The following NTRK3 variants were observed in gnomAD, a reference collection of about 807,000 sequenced individuals.
NTRK3 encodes NT-3 growth factor receptor.
Under a neutral mutation model 91.7 loss-of-function variants are expected in NTRK3, and 24 were observed. The observed-to-expected ratio is 0.26, with a 90% CI of 0.19 to 0.37. The LOEUF is 0.37. Ranked by LOEUF, NTRK3 falls within the 10% of genes least tolerant of loss-of-function variation. NTRK3 has a pLI of 1.00. For synonymous variants in NTRK3, 483 were observed against 404.0 expected (o/e 1.20, Z -2.34); for missense variants, 880 against 1,068.9 (o/e 0.82, Z 2.46).
intron 17 of NTRK3, among the ~76,000 whole-genome samples, chr15:87,909,823 T>TGG (rs1160507733): frequency 2.0e-5 from 3 of 152,230 alleles, no homozygotes; most frequent in Admixed American, 1.3e-4. Flanking sequence ...GATGACCATG[T>TGG]GGGGACACAG....
At chr15:88,057,005 C>T (rs2045760184) in intron 13 of NTRK3, among the ~76,000 whole-genome samples, 1 of 151,372 alleles carries the variant, frequency 6.6e-6, no homozygotes, top group Non-Finnish European at 1.5e-5. Context: ...CCCGTCTCTA[C>T]TAAAAATACA....
intron 13 of NTRK3, among the ~76,000 whole-genome samples, chr15:88,101,952 A>T (rs556164352): frequency 6.6e-6 from 1 of 152,296 alleles, no homozygotes; most frequent in East Asian, 1.9e-4. Flanking sequence ...ACCAAATGGC[A>T]CATGTATACA....
At chr15:88,007,200 A>G (rs933947371) in intron 14 of NTRK3, among the ~76,000 whole-genome samples, 1 of 152,340 alleles carries the variant, frequency 6.6e-6, no homozygotes, top group Admixed American at 6.5e-5. Flanking sequence ...ACTATCCTAT[A>G]TGGGCATTCT....
intron 14 of NTRK3, among the ~76,000 whole-genome samples, chr15:87,969,409 T>C (rs148317810): frequency 1.9e-4 from 29 of 152,310 alleles, no homozygotes; most frequent in Admixed American, 5.2e-4. Flanking sequence ...ATTTTCTTGA[T>C]TAAAATAATG....
At chr15:87,988,111 T>A (rs1353390400) in intron 14 of NTRK3, among the ~76,000 whole-genome samples, 1 of 152,092 alleles carries the variant, frequency 6.6e-6, no homozygotes, top group East Asian at 1.9e-4. Flanking sequence ...CTCAGCCAGG[T>A]AATGAGGGTT....
intron 13 of NTRK3, among the ~76,000 whole-genome samples, chr15:88,111,908 G>GTTTT (rs57625455): frequency 0.037 from 4,939 of 134,920 alleles, 317 homozygotes; most frequent in African/African-American, 0.13. Flanking sequence ...TTTTGTTTTT[G>GTTTT]TTTTTTTTTT....
Position 88,136,629 on chromosome 15 carries a change from G to C in NTRK3, c.623-20C>G, listed in dbSNP as rs745489334. On this transcript the variant is annotated intron_variant, in intron 7 of 18. Transcript: ENST00000394480. ...GAAGGTCTGGGAGCCAGACAAAGTG[G>C]GTGAAAAGACAGGCAAACACTTACT... is the stretch of plus-strand genomic sequence containing the variant. The C allele has an allele frequency of 9.9e-6, 16 of 1,609,564 alleles. No homozygotes were observed. In the African/African-American group the frequency reaches 2.1e-4, roughly 22 times the overall value.
intron 5 of NTRK3, among the ~76,000 whole-genome samples, chr15:88,153,201 T>C (rs1370942338): frequency 6.6e-6 from 1 of 152,240 alleles, no homozygotes; most frequent in Non-Finnish European, 1.5e-5. Flanking sequence ...TTTCTTAAGA[T>C]CTAACATCAT....
chr15:88,077,381 CT>C (rs2047644384), intron 13 of NTRK3, among the ~76,000 whole-genome samples: 1 of 152,124 alleles, frequency 6.6e-6, no homozygotes, highest in Admixed American at 6.6e-5. Context: ...CTCAAAAACC[CT>C]TACGTAGCCA....
At chr15:88,132,927 G>A (rs185461807) in intron 10 of NTRK3, among the ~76,000 whole-genome samples, 174 of 152,248 alleles carry the variant, frequency 1.1e-3, no homozygotes, top group Admixed American at 2.5e-3. Flanking sequence ...GAGTTTCTCT[G>A]TGACTCTATC....
chr15:87,911,846 G>A (rs546182377), intron 17 of NTRK3, among the ~76,000 whole-genome samples: 1 of 152,198 alleles, frequency 6.6e-6, no homozygotes, highest in Non-Finnish European at 1.5e-5. Flanking sequence ...CTAGGTACAA[G>A]GGTTATATAA....
intron 13 of NTRK3, among the ~76,000 whole-genome samples, chr15:88,052,357 A>G (rs944437393): frequency 6.6e-6 from 1 of 152,216 alleles, no homozygotes; most frequent in African/African-American, 2.4e-5. Context: ...CCAAGAGATG[A>G]GGTGACTTGC....
intron 14 of NTRK3, among the ~76,000 whole-genome samples, chr15:87,993,005 T>A (rs1335686620): frequency 6.6e-6 from 1 of 152,202 alleles, no homozygotes; most frequent in Non-Finnish European, 1.5e-5. Context: ...ATCTTGGCAC[T>A]TGCAAAGCAT....
intron 3 of NTRK3, among the ~76,000 whole-genome samples, chr15:88,210,847 T>G (rs933225444): frequency 6.6e-6 from 1 of 152,124 alleles, no homozygotes; most frequent in Non-Finnish European, 1.5e-5. Flanking sequence ...GCTGCCACCT[T>G]GGATGGAAGG....
intron 13 of NTRK3, among the ~76,000 whole-genome samples, chr15:88,039,095 G>T (rs2079345577): frequency 6.8e-6 from 1 of 146,306 alleles, no homozygotes; most frequent in South Asian, 2.2e-4. Context: ...GAGGAGTCAA[G>T]CTTTGATGTC....
In NTRK3 at chr15:87,931,204, C is replaced by A. The variant is rs767632463; in HGVS notation, c.1890-1770G>T. On this transcript the variant is annotated intron_variant, in intron 16 of 18. Coordinates refer to ENST00000394480, the Ensembl canonical transcript of NTRK3. The stretch of plus-strand genomic sequence containing the variant: ...AGAGGCACCTAGGAGCTTTCTTTAA[C>A]CCTGCTGGTGGCTCTTGGGGCTGGA... 3 of 518,130 alleles carry A rather than the reference C, an allele frequency of 5.8e-6. No individual in the cohort carries two copies. The East Asian group carries it at 1.6e-4, about 28-fold the overall frequency. The allele number at this position is 518,130 out of a possible 1,614,324, so 32.1% of individuals were successfully genotyped here. A position where few individuals can be genotyped will look rare whatever the true frequency, so the allele number is the denominator to read the frequency against.
chr15:88,087,500 G>A (rs1378857363), intron 13 of NTRK3, among the ~76,000 whole-genome samples: 1 of 152,212 alleles, frequency 6.6e-6, no homozygotes, highest in East Asian at 1.9e-4. Context: ...AAGCACTGTT[G>A]CAAGTGGGGA....
At chr15:88,036,434 AAATC>A (rs2079077552) in intron 13 of NTRK3, among the ~76,000 whole-genome samples, 2 of 152,192 alleles carry the variant, frequency 1.3e-5, no homozygotes, top group African/African-American at 4.8e-5. Flanking sequence ...AAAAAAAAAA[AAATC>A]AATCCACTCT....
Position 88,060,549 on chromosome 15 carries a change from T to C in NTRK3, c.1397-27504A>G, listed in dbSNP as rs371957688. Among the ~76,000 whole-genome samples, 49 of 151,774 alleles carry C rather than the reference T, an allele frequency of 3.2e-4. 1 individual carries two copies. In the East Asian group the frequency reaches 9.6e-3, roughly 30 times the overall value. ...TGAGGGGAAGTGACCAGTGGCAAGA[T>C]AAGGGGGAGACAGGGTAGAGAGGCA... On this transcript the variant is annotated intron_variant, in intron 13 of 18. Transcript: ENST00000394480.
Sources: gnomAD v4.1 joint callset for allele counts (sites outside exome capture counted in the v4.1 genomes callset) on GRCh38, gnomAD v4.1.1 for gene constraint, MANE v1.5 for transcripts, NCBI Gene and HGNC (gene_info 2026-07-23, HGNC 2026-07-21) for gene names.